The following ARMC2 variants were observed in gnomAD, a reference collection of about 807,000 sequenced individuals.
The protein encoded by ARMC2 is armadillo repeat-containing protein 2.
Under a neutral mutation model 90.3 loss-of-function variants are expected in ARMC2, and 67 were observed. The ratio of observed to expected loss-of-function variants is 0.74; its 90% CI spans 0.61 to 0.91. ARMC2 has a LOEUF of 0.91. Ranked by LOEUF, ARMC2 falls within the 40% of genes least tolerant of loss-of-function variation. The probability of loss-of-function intolerance (pLI) is 0.00; values close to 1 mark genes in which losing one functional copy is unlikely to be tolerated. For missense variants in ARMC2, 920 were observed against 1,030.9 expected, an observed-to-expected ratio of 0.89 and a Z score of 1.47; for synonymous variants, 393 against 393.0, an observed-to-expected ratio of 1.00 and a Z score of 0.00.
chr6:109,008,246 T>C, the ARMC2 span, among the ~76,000 whole-genome samples: 23 of 152,216 alleles, frequency 1.5e-4, no homozygotes, highest in Non-Finnish European at 3.1e-4. Flanking sequence ...AGCATGATGA[T>C]TGGGGCTCAC....
chr6:108,864,214 T>A (rs1775569240), intron 3 of ARMC2, among the ~76,000 whole-genome samples: 1 of 151,610 alleles, frequency 6.6e-6, no homozygotes, highest in African/African-American at 2.4e-5. Context: ...AACTGCCGCG[T>A]CACAAAGGTT....
chr6:108,883,098 C>T (rs1038471073), intron 5 of ARMC2, among the ~76,000 whole-genome samples: 6 of 152,210 alleles, frequency 3.9e-5, no homozygotes, highest in Non-Finnish European at 8.8e-5. Flanking sequence ...TCATATGGCT[C>T]TCCCGGCTGA....
At chr6:108,876,051 A>G (rs906440158) in intron 4 of ARMC2, 92 bp from the exon 5 acceptor site, 1 of 1,130,016 alleles carries the variant, frequency 8.8e-7, no homozygotes, top group Admixed American at 2.7e-5. Context: ...CTTTTAAATC[A>G]TATAAATTCT....
chr6:108,890,176 C>T (rs1197431788), intron 5 of ARMC2, among the ~76,000 whole-genome samples: 2 of 105,556 alleles, frequency 1.9e-5, no homozygotes, highest in Non-Finnish European at 3.5e-5. Flanking sequence ...GGTGACAGAG[C>T]GAGACTCCGT....
chr6:108,869,953 A>G (rs573535308), intron 4 of ARMC2, among the ~76,000 whole-genome samples: 2 of 152,362 alleles, frequency 1.3e-5, no homozygotes, highest in East Asian at 3.9e-4. Flanking sequence ...ATGTCAGAAT[A>G]CATGACACAC....
Position 108,868,891 on chromosome 6 carries a change from T to A in ARMC2, c.359T>A (p.Val120Glu), listed in dbSNP as rs199686045. 1.4e-4 allele frequency: 221 copies of A among 1,613,962 alleles called. No individual in the cohort carries two copies. The highest frequency in any genetic ancestry group is 1.1e-4 in the Non-Finnish European group (131 of 1,179,880). The part of the protein sequence containing the change: ...DSCFSFPKPP[V>E]DPAKIRRVSN... ...TGCTTTTCCTTTCCTAAGCCCCCAG[T>A]GGACCCTGCGAAGATTAGAAGAGTA... Residue 120 changes from valine to glutamate, a missense_variant, in exon 4 of 18, where the codon GTG (valine) becomes GAG (glutamate). Coordinates refer to ENST00000392644, the MANE Select transcript of ARMC2 (RefSeq NM_032131.6).
the ARMC2 span, among the ~76,000 whole-genome samples, chr6:109,037,788 T>TA: frequency 0.015 from 2,190 of 146,132 alleles, 31 homozygotes; most frequent in Non-Finnish European, 0.019. Flanking sequence ...AGCGCTATTA[T>TA]AAAAAAAAAA....
chr6:108,854,253 A>G lies in ARMC2; in HGVS notation c.-15A>G. On this transcript the variant is annotated 5_prime_UTR_variant, in exon 2 of 18. Transcript: ENST00000392644. Reference sequence around the variant, plus strand: ...GTGGTGTCTATCTGAAGAATATTTTACTTTCAAAGGAAAGATGCTGTCTCC... The same window carrying G: ...GTGGTGTCTATCTGAAGAATATTTTGCTTTCAAAGGAAAGATGCTGTCTCC... 1 of 1,573,746 alleles carries G rather than the reference A, an allele frequency of 6.4e-7. No individual in the cohort carries two copies. The highest frequency in any genetic ancestry group is 8.6e-7 in the Non-Finnish European group (1 of 1,156,702).
At chr6:109,014,055 G>A in the ARMC2 span, among the ~76,000 whole-genome samples, 2 of 150,834 alleles carry the variant, frequency 1.3e-5, no homozygotes, top group Non-Finnish European at 2.9e-5. Flanking sequence ...TCACTTTAAA[G>A]GAGCAAGAAT....
chr6:108,969,681 T>C (rs1471287867), intron 17 of ARMC2, among the ~76,000 whole-genome samples: 4 of 152,246 alleles, frequency 2.6e-5, no homozygotes. Context: ...GGTATATGTA[T>C]ACAGAGTCAT....
rs1777304780 is a variant in ARMC2, at chr6:108,953,067, A to G, written c.1631A>G (p.Asn544Ser). Residue 544 changes from asparagine (N) to serine (S), a missense_variant, in exon 13 of 18, where the codon AAC (asparagine) becomes AGC (serine). Physicochemically the swap from Asn to Ser is conservative, Grantham distance 46. Coordinates refer to ENST00000392644, the MANE Select transcript of ARMC2 (RefSeq NM_032131.6). ...GTCCGTGTTGTTTTTATTCTTGGCA[A>G]CCTGACGGCAAAAAATAACCAGGCT... is the stretch of plus-strand genomic sequence containing the variant. The part of the protein sequence containing the change: ...LVVRVVFILG[N>S]LTAKNNQARE... 1 of 1,612,782 alleles carries G rather than the reference A, an allele frequency of 6.2e-7. No homozygotes were observed. Among genetic ancestry groups the G allele is most frequent in the African/African-American group, 1.3e-5 (1 of 74,898 alleles).
At chr6:108,881,218 TTC>T (rs1243083962) in intron 5 of ARMC2, among the ~76,000 whole-genome samples, 1 of 150,326 alleles carries the variant, frequency 6.7e-6, no homozygotes, top group Non-Finnish European at 1.5e-5. Context: ...TTCCTTTCTT[TTC>T]TTTCTTTCTG....
At chr6:109,007,073 TC>T in the ARMC2 span, among the ~76,000 whole-genome samples, 2 of 152,180 alleles carry the variant, frequency 1.3e-5, no homozygotes, top group Non-Finnish European at 1.5e-5. Flanking sequence ...AACAATCTTT[TC>T]CCCTCAACAA....
chr6:108,883,373 A>C (rs1408554387), intron 5 of ARMC2, among the ~76,000 whole-genome samples: 1 of 152,234 alleles, frequency 6.6e-6, no homozygotes, highest in African/African-American at 2.4e-5. Flanking sequence ...CTAGAAATGA[A>C]GAAGCTATGG....
At chr6:108,929,226 A>C (rs1229174390) in intron 11 of ARMC2, among the ~76,000 whole-genome samples, 1 of 152,110 alleles carries the variant, frequency 6.6e-6, no homozygotes, top group African/African-American at 2.4e-5. Flanking sequence ...TTGTAGAATC[A>C]TAAGGAATTT....
At chr6:109,033,684 G>A in the ARMC2 span, among the ~76,000 whole-genome samples, 7 of 152,246 alleles carry the variant, frequency 4.6e-5, no homozygotes, top group East Asian at 1.4e-3. Flanking sequence ...ATAATTCATA[G>A]GACAGTTCTA....
chr6:108,876,493 C>A, intron 5 of ARMC2, 143 bp downstream of exon 5: 1 of 765,706 alleles, frequency 1.3e-6, no homozygotes, highest in Non-Finnish European at 2.1e-6. Context: ...ATAGGAGAGA[C>A]TACTTCTCAT....
At position 108,864,876 on chromosome 6, in the gene ARMC2, C is replaced by CT. The variant is rs910047613; in HGVS notation, c.292-3947dup. Reference sequence around the variant, plus strand: ...ATAGACTGTGTGTCCTCAATGGACTCTAACAGGTCCACCAGCCAGAACAGA... The same window carrying CT: ...ATAGACTGTGTGTCCTCAATGGACTCTTAACAGGTCCACCAGCCAGAACAGA... On this transcript the variant is annotated intron_variant, in intron 3 of 17. Transcript: ENST00000392644. 2.4e-4 allele frequency among the ~76,000 whole-genome samples: 36 copies of CT among 152,182 alleles called. 1 individual carries two copies. The highest frequency in any genetic ancestry group is 7.7e-4 in the African/African-American group (32 of 41,498).
the ARMC2 span, among the ~76,000 whole-genome samples, chr6:109,005,794 G>A: frequency 6.6e-6 from 1 of 152,042 alleles, no homozygotes; most frequent in Non-Finnish European, 1.5e-5. Flanking sequence ...CCAACTATGT[G>A]GGATTATAAT....
Sources: allele counts gnomAD v4.1 joint callset (sites outside exome capture counted in the v4.1 genomes callset), GRCh38; gene constraint gnomAD v4.1.1; transcripts MANE v1.5; gene names NCBI Gene and HGNC (gene_info 2026-07-23, HGNC 2026-07-21).